Variants in ACTR3B observed in about 807,000 individuals in gnomAD.
ACTR3B encodes the protein actin-related protein 3B.
A neutral mutation model predicts 59.0 loss-of-function variants in ACTR3B; 8 were observed. The ratio of observed to expected loss-of-function variants is 0.14; its 90% CI spans 0.08 to 0.24. ACTR3B has a LOEUF of 0.24. Among genes scored for constraint, ACTR3B ranks in the 10% least tolerant of loss-of-function variants. The pLI is 1.00. For synonymous variants in ACTR3B, 148 were observed against 197.9 expected (o/e 0.75, Z 2.12); for missense variants, 245 against 552.3 (o/e 0.44, Z 5.58).
At position 152,826,152 on chromosome 7, in the gene ACTR3B, G is replaced by A. The variant is rs533619514; in HGVS notation, c.951+1030G>A. ...TCAGCATTGCGTCACCTGTGCCGTG[G>A]AATACTATGTAGCTTTTTAAAAGAA... On this transcript the variant is annotated intron_variant, in intron 9 of 11. Coordinates refer to ENST00000256001, the MANE Select transcript of ACTR3B (RefSeq NM_020445.6). 1.5e-3 allele frequency among the ~76,000 whole-genome samples: 222 copies of A among 152,278 alleles called. 1 individual carries two copies. The highest frequency in any genetic ancestry group is 5.2e-3 in the African/African-American group (216 of 41,550).
chr7:152,852,347 GC>G lies in ACTR3B; in HGVS notation c.1077+97del, dbSNP rs558174301. The G allele has an allele frequency of 2.2e-3, 3,221 of 1,433,674 alleles. 5 individuals carry two copies. Among genetic ancestry groups the G allele is most frequent in the Non-Finnish European group, 2.8e-3 (3,006 of 1,079,172 alleles). The allele number at this position is 1,433,674 out of a possible 1,614,324, so 88.8% of individuals were successfully genotyped here. A position where few individuals can be genotyped will look rare whatever the true frequency, so the allele number is the denominator to read the frequency against. On this transcript the variant is annotated intron_variant, in intron 10 of 11. Transcript: ENST00000256001. ...AGAGCCGAAGGAGCTTGTCTGGGCC[GC>G]GTAAAATAAAAACAAGTGTTCATCG...
chr7:152,825,000 A>G lies in ACTR3B; in HGVS notation c.859-30A>G. On this transcript the variant is annotated intron_variant, in intron 8 of 11. Coordinates refer to ENST00000256001, the MANE Select transcript of ACTR3B (RefSeq NM_020445.6). This position sits in a 1 kb window ranked among gnomAD's most constrained non-coding sequence, Gnocchi z 4.2. Reference sequence around the variant, plus strand: ...TTGTTCTATTTGAGAGAAATGTGTAATGTTTCTTTTATATTGATACACAAT... The same window carrying G: ...TTGTTCTATTTGAGAGAAATGTGTAGTGTTTCTTTTATATTGATACACAAT... 6.2e-7 allele frequency: 1 copy of G among 1,602,882 alleles called. No individual in the cohort carries two copies.
At chr7:152,840,354 C>T (rs531620520) in intron 9 of ACTR3B, among the ~76,000 whole-genome samples, 9 of 151,964 alleles carry the variant, frequency 5.9e-5, no homozygotes, top group African/African-American at 1.9e-4. Flanking sequence ...TGCTTGTCGC[C>T]GTCCTGCCTT....
intron 4 of ACTR3B, chr7:152,812,217 G>C (rs1795319981): frequency 1.0e-5 from 1 of 95,758 alleles, no homozygotes; most frequent in African/African-American, 2.9e-5. Flanking sequence ...TTTTAGTAGA[G>C]ATGGGGTTTC....
intron 4 of ACTR3B, chr7:152,812,932 G>A (rs1795387267): frequency 1.5e-5 from 1 of 68,088 alleles, no homozygotes; most frequent in African/African-American, 5.8e-5. Flanking sequence ...GTCCAAGGTC[G>A]AGGTGCCGTC....
chr7:152,766,008 C>T (rs2098108965), intron 1 of ACTR3B, among the ~76,000 whole-genome samples: 4 of 151,970 alleles, frequency 2.6e-5, no homozygotes. Context: ...TCGGTCTCTT[C>T]ATTTCTCTAA....
At chr7:152,820,535 C>T (rs1766903957) in intron 7 of ACTR3B, 93 bp downstream of exon 7, 1 of 1,487,992 alleles carries the variant, frequency 6.7e-7, no homozygotes, top group Admixed American at 2.3e-5. Context: ...CTCCTCCTTT[C>T]CTTCCTCTCC....
chr7:152,764,944 G>A (rs546840120), intron 1 of ACTR3B, among the ~76,000 whole-genome samples: 50 of 152,148 alleles, frequency 3.3e-4, no homozygotes, highest in South Asian at 3.1e-3. Context: ...ACCACACACC[G>A]GGTAATTTAT....
intron 9 of ACTR3B, among the ~76,000 whole-genome samples, chr7:152,828,291 A>G (rs1464418977): frequency 6.6e-6 from 1 of 151,886 alleles, no homozygotes; most frequent in Admixed American, 6.6e-5. Flanking sequence ...CTCACAGCCC[A>G]GGGTAGAGTC....
At chr7:152,845,789 A>T (rs1043532680) in intron 9 of ACTR3B, among the ~76,000 whole-genome samples, 2 of 152,228 alleles carry the variant, frequency 1.3e-5, no homozygotes, top group Admixed American at 6.5e-5. Context: ...TGCCTGCCTT[A>T]GCCCCCGCTG....
At chr7:152,766,832 G>T (rs1354829591) in intron 1 of ACTR3B, among the ~76,000 whole-genome samples, 1 of 151,932 alleles carries the variant, frequency 6.6e-6, no homozygotes, top group East Asian at 1.9e-4. Context: ...TGTTGCCCAT[G>T]CTAGAGTGCG....
At chr7:152,846,895 C>CG (rs1798370905) in intron 9 of ACTR3B, among the ~76,000 whole-genome samples, 1 of 140,958 alleles carries the variant, frequency 7.1e-6, no homozygotes, top group African/African-American at 2.7e-5. Flanking sequence ...CCCCAGCGCC[C>CG]GGGCTGTAGT....
At chr7:152,819,957 A>G (rs1354427320) in intron 6 of ACTR3B, among the ~76,000 whole-genome samples, 1 of 152,252 alleles carries the variant, frequency 6.6e-6, no homozygotes, top group Non-Finnish European at 1.5e-5. Flanking sequence ...TATCAGGGAA[A>G]GAACCTATTG....
intron 1 of ACTR3B, among the ~76,000 whole-genome samples, chr7:152,774,631 T>A (rs771990054): frequency 1.3e-5 from 2 of 152,050 alleles, no homozygotes; most frequent in Non-Finnish European, 2.9e-5. Context: ...AAAAGGGCAG[T>A]GTGCTTTATG....
intron 9 of ACTR3B, among the ~76,000 whole-genome samples, chr7:152,840,612 G>A (rs1797806046): frequency 7.3e-6 from 1 of 136,690 alleles, no homozygotes; most frequent in South Asian, 2.6e-4. Flanking sequence ...GGTTTCTACT[G>A]CTTTGTCTTC....
In ACTR3B at chr7:152,852,119, C is replaced by T; in HGVS notation, c.952-7C>T. Reference sequence around the variant, plus strand: ...ACCCAGGGCTCCCTCTGCTTTGTGTCTTGTAGAATGTCGTACTCTCAGGAG... The same window carrying T: ...ACCCAGGGCTCCCTCTGCTTTGTGTTTTGTAGAATGTCGTACTCTCAGGAG... On this transcript the variant is annotated splice_region_variant and splice_polypyrimidine_tract_variant and intron_variant, in intron 9 of 11. Coordinates refer to ENST00000256001, the MANE Select transcript of ACTR3B (RefSeq NM_020445.6). 1 of 1,613,956 alleles carries T rather than the reference C, an allele frequency of 6.2e-7. No individual in the cohort carries two copies. Among genetic ancestry groups the T allele is most frequent in the Non-Finnish European group, 8.5e-7 (1 of 1,179,968 alleles).
chr7:152,847,772 G>A (rs1798469246), intron 9 of ACTR3B, among the ~76,000 whole-genome samples: 1 of 152,162 alleles, frequency 6.6e-6, no homozygotes, highest in East Asian at 1.9e-4. Context: ...TGGGACATAT[G>A]ATTAAGGCCA....
At position 152,824,535 on chromosome 7, in the gene ACTR3B, T is replaced by C. The variant is rs1039195331; in HGVS notation, c.859-495T>C. The stretch of plus-strand genomic sequence containing the variant: ...TTCAATAACATGATTATCATGTGGA[T>C]TGTTTCATGTTAAACAAACCCTTCT... On this transcript the variant is annotated intron_variant, in intron 8 of 11. Transcript: ENST00000256001. The surrounding 1 kb of genome is among the most constrained non-coding windows in gnomAD (Gnocchi z 4.2). Among the ~76,000 whole-genome samples the C allele has an allele frequency of 6.6e-6, 1 of 152,232 alleles. No individual in the cohort carries two copies. The highest frequency in any genetic ancestry group is 1.5e-5 in the Non-Finnish European group (1 of 68,040).
At chr7:152,849,849 T>C (rs1798652820) in intron 9 of ACTR3B, among the ~76,000 whole-genome samples, 4 of 152,254 alleles carry the variant, frequency 2.6e-5, no homozygotes, top group Admixed American at 2.0e-4. Flanking sequence ...TTGGAGCAGA[T>C]CCCAGGTGGA....
Sources: gnomAD v4.1 joint callset for allele counts (sites outside exome capture counted in the v4.1 genomes callset) on GRCh38, gnomAD v4.1.1 for gene constraint, Gnocchi (gnomAD v3.1) non-coding constraint, MANE v1.5 for transcripts, NCBI Gene and HGNC (gene_info 2026-07-23, HGNC 2026-07-21) for gene names.